The following GMEB1 variants were observed in gnomAD, a reference collection of about 807,000 sequenced individuals.
GMEB1 encodes glucocorticoid modulatory element binding protein 1.
A neutral mutation model predicts 52.4 loss-of-function variants in GMEB1; 6 were observed. The ratio of observed to expected loss-of-function variants is 0.11; its 90% CI spans 0.06 to 0.23. The LOEUF (loss-of-function observed/expected upper bound fraction) is 0.23, where lower values mean the gene tolerates loss of function less well. Among genes scored for constraint, GMEB1 ranks in the 10% least tolerant of loss-of-function variants. The probability of loss-of-function intolerance (pLI) is 1.00; values close to 1 mark genes in which losing one functional copy is unlikely to be tolerated. For synonymous variants in GMEB1, 255 were observed against 244.9 expected (o/e 1.04, Z -0.38); for missense variants, 486 against 685.6 (o/e 0.71, Z 3.25).
intron 8 of GMEB1, among the ~76,000 whole-genome samples, chr1:28,707,888 C>A (rs1321182134): frequency 1.3e-5 from 2 of 151,516 alleles, no homozygotes; most frequent in Non-Finnish European, 2.9e-5. Context: ...GCAATTAACA[C>A]AAATACTGAC....
intron 5 of GMEB1, among the ~76,000 whole-genome samples, chr1:28,695,697 G>C (rs1012009351): frequency 6.7e-6 from 1 of 150,068 alleles, no homozygotes; most frequent in African/African-American, 2.4e-5. Flanking sequence ...CCAGCACTTT[G>C]GGAGGCCGAG....
At chr1:28,669,023 T>C (rs1349466578) in intron 1 of GMEB1, among the ~76,000 whole-genome samples, 184 bp downstream of exon 1, 2 of 124,556 alleles carry the variant, frequency 1.6e-5, no homozygotes, top group African/African-American at 5.8e-5. Flanking sequence ...CGAGCGGACG[T>C]CGCGGCGCCG....
chr1:28,704,117 T>C (rs746381933), intron 7 of GMEB1, 75 bp from the exon 8 acceptor site: 20 of 1,274,156 alleles, frequency 1.6e-5, no homozygotes, highest in East Asian at 2.5e-5. Flanking sequence ...ATTTTGAATT[T>C]AACGTTGTAG....
intron 1 of GMEB1, among the ~76,000 whole-genome samples, chr1:28,681,624 G>A (rs552958430): frequency 6.6e-6 from 1 of 152,266 alleles, no homozygotes; most frequent in Non-Finnish European, 1.5e-5. Context: ...AGGGAATTCA[G>A]AGTGCCGTGC....
chr1:28,672,240 A>G (rs1668923988), intron 1 of GMEB1, among the ~76,000 whole-genome samples: 1 of 101,522 alleles, frequency 9.9e-6, no homozygotes, highest in Admixed American at 9.5e-5. Flanking sequence ...TTTATTTTTG[A>G]GACGGAGTCT....
chr1:28,698,942 C>T (rs1471299780), intron 6 of GMEB1, among the ~76,000 whole-genome samples: 1 of 152,040 alleles, frequency 6.6e-6, no homozygotes, highest in African/African-American at 2.4e-5. Flanking sequence ...CGAGATCGTC[C>T]CATATTCCAG....
At chr1:28,702,595 C>A in intron 7 of GMEB1, 26 bp downstream of exon 7, 2 of 1,604,878 alleles carry the variant, frequency 1.2e-6, no homozygotes, top group South Asian at 2.2e-5. Context: ...GCTCAGATGT[C>A]TTGCAGGGTC....
At chr1:28,694,961 CTTTTTTTTTTTTTT>C (rs556692778) in intron 5 of GMEB1, among the ~76,000 whole-genome samples, 1 of 105,492 alleles carries the variant, frequency 9.5e-6, no homozygotes, top group Admixed American at 9.7e-5. Context: ...CGTGGCCAGC[CTTTTTTTTTTTTTT>C]TTTTTTTGAG....
chr1:28,688,707 C>T (rs187470988), intron 2 of GMEB1, among the ~76,000 whole-genome samples: 1 of 151,264 alleles, frequency 6.6e-6, no homozygotes, highest in South Asian at 2.1e-4. Flanking sequence ...CAAACAAACA[C>T]CCCCCCACCA....
rs1669383358 is a variant in GMEB1, at chr1:28,681,421, G to A, written c.-30-2162G>A. On this transcript the variant is annotated intron_variant, in intron 1 of 9. Coordinates refer to ENST00000373816, the MANE Select transcript of GMEB1 (RefSeq NM_001319674.2). ...TTTGTGGAGAAGTGAGCTTTGAACT[G>A]GACTTTGAAGGGAGAAGATGAGGGA... Among the ~76,000 whole-genome samples, 3 of 152,228 alleles carry A rather than the reference G, an allele frequency of 2.0e-5. No homozygotes were observed. In the South Asian group the frequency reaches 6.2e-4, roughly 32 times the overall value.
At chr1:28,710,671 T>C in intron 9 of GMEB1, 29 bp downstream of exon 9, 2 of 1,464,714 alleles carry the variant, frequency 1.4e-6, no homozygotes, top group Non-Finnish European at 1.8e-6. Context: ...TCTTCTTCGG[T>C]GATATCATGC....
rs1411710305 is a variant in GMEB1 at position 28,693,050 on chromosome 1, G to C, written c.440+5G>C. The stretch of plus-strand genomic sequence containing the variant: ...TCTGGGTGGGATCATGCTCAGGTAA[G>C]CTCTAATGTCAAGCACATACCTTTC... On this transcript the variant is annotated splice_donor_5th_base_variant and intron_variant, in intron 5 of 9. Transcript: ENST00000373816. The C allele has an allele frequency of 1.3e-6, 2 of 1,523,558 alleles. No individual in the cohort carries two copies. Among genetic ancestry groups the C allele is most frequent in the Non-Finnish European group, 1.8e-6 (2 of 1,108,232 alleles). 94.4% of individuals were successfully genotyped at this position (1,523,558 alleles called of 1,614,324 possible).
intron 8 of GMEB1, among the ~76,000 whole-genome samples, chr1:28,709,162 C>A (rs1670928268): frequency 6.7e-6 from 1 of 148,704 alleles, no homozygotes; most frequent in South Asian, 2.1e-4. Context: ...CAAAAATTAG[C>A]CAGGCATGGT....
intron 2 of GMEB1, among the ~76,000 whole-genome samples, chr1:28,685,670 C>A (rs770121979): frequency 9.9e-5 from 15 of 152,080 alleles, no homozygotes; most frequent in Non-Finnish European, 1.8e-4. Flanking sequence ...GATAAAAAAT[C>A]TTGTTTACGG....
rs546735062 is a variant in GMEB1, at chr1:28,717,700, A to C, written c.*2927A>C. The stretch of plus-strand genomic sequence containing the variant: ...GGTTTTCTGTTGGTACATAAAAACA[A>C]AATTGCTGTCTCAGACTGAATCTAC... On this transcript the variant is annotated 3_prime_UTR_variant, in exon 10 of 10. Coordinates refer to ENST00000373816, the MANE Select transcript of GMEB1 (RefSeq NM_001319674.2). 1 of 152,322 alleles carries C rather than the reference A, an allele frequency of 6.6e-6. No individual in the cohort carries two copies. Among genetic ancestry groups the C allele is most frequent in the East Asian group, 1.9e-4 (1 of 5,174 alleles). 9.4% of individuals were successfully genotyped at this position (152,322 alleles called of 1,614,324 possible).
rs141376616 is a variant in GMEB1, at chr1:28,706,413, T to C, written c.868+2084T>C. ...TGAGATCAGGAAGTCAAGACCAGCC[T>C]GGCCAGCATGGTGAAACCCTGTCTC... On this transcript the variant is annotated intron_variant, in intron 8 of 9. Coordinates refer to ENST00000373816, the MANE Select transcript of GMEB1 (RefSeq NM_001319674.2). 2.4e-3 allele frequency among the ~76,000 whole-genome samples: 363 copies of C among 152,072 alleles called. 3 individuals carry two copies. Among genetic ancestry groups the C allele is most frequent in the African/African-American group, 8.4e-3 (347 of 41,520 alleles).
In GMEB1 at chr1:28,676,731, AAAT is replaced by A. The variant is rs1194313273; in HGVS notation, c.-30-6849_-30-6847del. On this transcript the variant is annotated intron_variant, in intron 1 of 9. Coordinates refer to ENST00000373816, the MANE Select transcript of GMEB1 (RefSeq NM_001319674.2). ...CAGAGCAAGACTCCGTCTCAAAAAA[AAAT>A]AAATAAATAAATAAATACAAATAAA... Among the ~76,000 whole-genome samples, 239 of 151,510 alleles carry A rather than the reference AAAT, an allele frequency of 1.6e-3. 1 individual carries two copies. The highest frequency in any genetic ancestry group is 5.6e-3 in the African/African-American group (230 of 41,352).
At position 28,718,869 on chromosome 1, in the gene GMEB1, A is replaced by G. The variant is rs1671336992; in HGVS notation, c.*4096A>G. On this transcript the variant is annotated 3_prime_UTR_variant, in exon 10 of 10. Transcript: ENST00000373816. ...GGTGTAGAGGTGGGGTCAGCAAATA[A>G]GGGAGATCTTCCTGGAGAAGGCATA... is the stretch of plus-strand genomic sequence containing the variant. The G allele has an allele frequency of 6.6e-6, 1 of 152,036 alleles. No homozygotes were observed. Among genetic ancestry groups the G allele is most frequent in the Non-Finnish European group, 1.5e-5 (1 of 67,994 alleles). 9.4% of individuals were successfully genotyped at this position (152,036 alleles called of 1,614,324 possible). A position where few individuals can be genotyped will look rare whatever the true frequency, so the allele number is the denominator to read the frequency against.
rs944965934 is a variant in GMEB1 at position 28,693,004 on chromosome 1, G to T, written c.399G>T (p.Lys133Asn). The change falls in exon 5 of 10, where the codon AAG (lysine) becomes AAT (asparagine). Residue 133 changes from lysine (K) to asparagine (N), a missense_variant. By Grantham distance (94) the Lys-to-Asn change is moderately conservative (BLOSUM62 0). Transcript: ENST00000373816. Reference protein sequence around the residue: ...FVHLAGKSTLKDWKRAIRLGG... With the variant: ...FVHLAGKSTLNDWKRAIRLGG... ...ATCTGGCTGGCAAGTCCACTCTGAA[G>T]GACTGGAAGAGAGCTATTCGTCTGG... 1 of 1,608,764 alleles carries T rather than the reference G, an allele frequency of 6.2e-7. No individual in the cohort carries two copies.
Sources: allele counts gnomAD v4.1 joint callset (sites outside exome capture counted in the v4.1 genomes callset), GRCh38; gene constraint gnomAD v4.1.1; transcripts MANE v1.5; gene names NCBI Gene and HGNC (gene_info 2026-07-23, HGNC 2026-07-21).